ENTHD1: variants seen among roughly 807,000 people sequenced by gnomAD.
ENTHD1 encodes the protein ENTH domain containing 1, also known as ENTH domain-containing protein 1.
ENTHD1 carries 23 observed loss-of-function variants against 39.1 expected under a neutral mutation model. That is an observed-to-expected ratio of 0.59 (90% CI 0.42 to 0.83). The LOEUF (loss-of-function observed/expected upper bound fraction) is 0.83. Among genes scored for constraint, ENTHD1 ranks in the 40% least tolerant of loss-of-function variants. ENTHD1 has a pLI of 0.00. For synonymous variants in ENTHD1, 230 were observed against 258.2 expected (o/e 0.89, Z 1.05); for missense variants, 624 against 705.4 (o/e 0.88, Z 1.31).
intron 3 of ENTHD1, among the ~76,000 whole-genome samples, chr22:39,854,975 A>T (rs749781554): frequency 6.6e-6 from 1 of 152,058 alleles, no homozygotes; most frequent in South Asian, 2.1e-4. Context: ...GTCAATTTCA[A>T]TTTCTCTCTT....
At chr22:39,751,049 A>G (rs1468722250) in intron 6 of ENTHD1, 2 of 153,200 alleles carry the variant, frequency 1.3e-5, no homozygotes, top group East Asian at 1.9e-4. Flanking sequence ...AGATCCATTC[A>G]TAAGAGGAAA....
chr22:39,889,201 C>T (rs904120961), intron 1 of ENTHD1, among the ~76,000 whole-genome samples: 1 of 152,158 alleles, frequency 6.6e-6, no homozygotes, highest in Non-Finnish European at 1.5e-5. Flanking sequence ...ACAGTGTCAA[C>T]AGTAAGACTC....
chr22:39,817,275 A>C (rs6001687), intron 5 of ENTHD1, among the ~76,000 whole-genome samples: 4,010 of 152,270 alleles, frequency 0.026, 62 homozygotes, highest in East Asian at 0.07. Context: ...CTAAAGAAAC[A>C]CTCACATATG....
intron 3 of ENTHD1, among the ~76,000 whole-genome samples, chr22:39,858,477 A>G (rs1022828245): frequency 2.0e-5 from 3 of 152,242 alleles, no homozygotes; most frequent in African/African-American, 7.2e-5. Context: ...GCTTCCTCCC[A>G]TGAATCACAA....
intron 5 of ENTHD1, among the ~76,000 whole-genome samples, chr22:39,819,288 C>A (rs916284466): frequency 6.6e-6 from 1 of 151,904 alleles, no homozygotes; most frequent in Non-Finnish European, 1.5e-5. Flanking sequence ...TCGCTTGAAC[C>A]CGGGAGGTGG....
intron 5 of ENTHD1, among the ~76,000 whole-genome samples, chr22:39,777,138 AG>A (rs1221602486): frequency 6.6e-6 from 1 of 152,210 alleles, no homozygotes; most frequent in Non-Finnish European, 1.5e-5. Context: ...AGTCAATCAG[AG>A]GAAATAGAAT....
intron 6 of ENTHD1, among the ~76,000 whole-genome samples, chr22:39,763,768 G>A (rs956899148): frequency 1.3e-5 from 2 of 152,100 alleles, no homozygotes; most frequent in Non-Finnish European, 2.9e-5. Context: ...ACCAGTTTTA[G>A]AGGAACTTCT....
rs933111610 is a variant in ENTHD1, at chr22:39,835,889, A to G, written c.662T>C (p.Leu221Ser). 8.1e-6 allele frequency: 13 copies of G among 1,609,304 alleles called. No individual in the cohort carries two copies. The highest frequency in any genetic ancestry group is 3.4e-5 in the Admixed American group (2 of 59,458). Reference protein sequence around the residue: ...QDVHLPTETMLSQETLPLKIH... With the variant: ...QDVHLPTETMSSQETLPLKIH... ...CTTGAGTGGAAGTGTTTCCTGGGAC[A>G]ACATAGTTTCTGTAGGCAAATGAAC... Residue 221 changes from leucine to serine, a missense_variant, in exon 4 of 7, where the codon TTG becomes TCG. Leu to Ser is a moderately radical substitution (Grantham distance 145). Coordinates refer to ENST00000325157, the MANE Select transcript of ENTHD1 (RefSeq NM_152512.4).
chr22:39,881,885 G>T (rs551657812), intron 2 of ENTHD1, among the ~76,000 whole-genome samples: 1 of 152,132 alleles, frequency 6.6e-6, no homozygotes, highest in African/African-American at 2.4e-5. Context: ...CAAAGGCAAC[G>T]CAAGTGTAAA....
chr22:39,789,893 C>T (rs1042588014), intron 5 of ENTHD1, among the ~76,000 whole-genome samples: 4 of 151,894 alleles, frequency 2.6e-5, no homozygotes, highest in South Asian at 2.1e-4. Context: ...ATAGGGTGAT[C>T]GGAGGCCTCA....
chr22:39,814,295 C>CAAAAAAAAA (rs77915572), intron 5 of ENTHD1, among the ~76,000 whole-genome samples: 269 of 97,668 alleles, frequency 2.8e-3, no homozygotes, highest in Non-Finnish European at 5.3e-3. Flanking sequence ...CCCATCTCTA[C>CAAAAAAAAA]AAAAAAAAAA....
At position 39,821,112 on chromosome 22, in the gene ENTHD1, T is replaced by G. The variant is rs770483413; in HGVS notation, c.713A>C (p.Asp238Ala). The G allele has an allele frequency of 6.2e-7, 1 of 1,613,644 alleles. No homozygotes were observed. Among genetic ancestry groups the G allele is most frequent in the Non-Finnish European group, 8.5e-7 (1 of 1,179,850 alleles). Residue 238 changes from aspartate (D) to alanine (A), a missense_variant and splice_region_variant, in exon 5 of 7, where the codon GAC becomes GCC. Physicochemically the swap from Asp to Ala is moderately radical, Grantham distance 126. Transcript: ENST00000325157. ...LKIHGWKSTE[D>A]LMTFLDDDPE... ...ATCATCATCCAAAAATGTCATCAGG[T>G]CCTGACAGAAAACACAAGAACATGA...
intron 1 of ENTHD1, among the ~76,000 whole-genome samples, chr22:39,888,282 T>TC (rs978493916): frequency 4.0e-5 from 5 of 123,578 alleles, no homozygotes; most frequent in Non-Finnish European, 8.1e-5. Context: ...TTTTTTTTTT[T>TC]CCAAAGACAG....
At chr22:39,878,789 CTTA>C (rs1163329692) in intron 2 of ENTHD1, among the ~76,000 whole-genome samples, 1 of 151,882 alleles carries the variant, frequency 6.6e-6, no homozygotes, top group Non-Finnish European at 1.5e-5. Context: ...TAAAAACTTT[CTTA>C]TTATTTATTA....
intron 5 of ENTHD1, among the ~76,000 whole-genome samples, chr22:39,766,466 G>C (rs2146560400): frequency 6.6e-6 from 1 of 152,190 alleles, no homozygotes; most frequent in South Asian, 2.1e-4. Context: ...TCAGCGCCAG[G>C]GCTTGCTCTG....
At chr22:39,789,093 T>TA (rs2065482910) in intron 5 of ENTHD1, among the ~76,000 whole-genome samples, 1 of 152,134 alleles carries the variant, frequency 6.6e-6, no homozygotes, top group Non-Finnish European at 1.5e-5. Context: ...CTTGTGTATG[T>TA]ATGCATCACA....
At chr22:39,794,352 T>C (rs552431296) in intron 5 of ENTHD1, among the ~76,000 whole-genome samples, 6 of 152,342 alleles carry the variant, frequency 3.9e-5, no homozygotes, top group African/African-American at 1.4e-4. Flanking sequence ...TAAGAGTTTT[T>C]TTGGTAGAGT....
intron 5 of ENTHD1, among the ~76,000 whole-genome samples, chr22:39,792,161 A>G (rs959803493): frequency 3.9e-5 from 6 of 152,100 alleles, no homozygotes; most frequent in African/African-American, 1.4e-4. Flanking sequence ...GGTTGATTCC[A>G]TGTCTTTTCT....
intron 5 of ENTHD1, among the ~76,000 whole-genome samples, chr22:39,769,385 A>T (rs2065304329): frequency 6.6e-6 from 1 of 152,176 alleles, no homozygotes. Flanking sequence ...ATGAACAAGC[A>T]ATTTACTGTT....
Sources: gnomAD v4.1 joint callset for allele counts (sites outside exome capture counted in the v4.1 genomes callset) on GRCh38, gnomAD v4.1.1 for gene constraint, MANE v1.5 for transcripts, NCBI Gene and HGNC (gene_info 2026-07-23, HGNC 2026-07-21) for gene names.